The following CDH18 variants were observed in gnomAD, a reference collection of about 807,000 sequenced individuals.
The protein encoded by CDH18 is cadherin-18.
Under a neutral mutation model 67.9 loss-of-function variants are expected in CDH18, and 31 were observed. That is an observed-to-expected ratio of 0.46 (90% CI 0.34 to 0.62). The LOEUF is 0.62. CDH18 is among the 20% of genes least tolerant of loss of function. The pLI is 0.01. For missense variants in CDH18, 890 were observed against 975.5 expected, an observed-to-expected ratio of 0.91 and a Z score of 1.17; for synonymous variants, 362 against 347.2, an observed-to-expected ratio of 1.04 and a Z score of -0.48.
At chr5:19,911,075 G>T (rs1236181970) in intron 2 of CDH18, among the ~76,000 whole-genome samples, 1 of 152,040 alleles carries the variant, frequency 6.6e-6, no homozygotes, top group Admixed American at 6.6e-5. Flanking sequence ...AACTGAAAAA[G>T]GGCTACCATG....
chr5:19,630,097 C>T (rs192575199), intron 5 of CDH18, among the ~76,000 whole-genome samples: 6 of 151,950 alleles, frequency 3.9e-5, no homozygotes, highest in South Asian at 2.1e-4. Context: ...TCACCATGAC[C>T]GGCTAATTTG....
intron 2 of CDH18, among the ~76,000 whole-genome samples, chr5:20,200,323 T>C (rs1176707453): frequency 6.6e-6 from 1 of 152,082 alleles, no homozygotes; most frequent in Non-Finnish European, 1.5e-5. Flanking sequence ...TTACAAACTA[T>C]GTGAGTTTCA....
intron 5 of CDH18, among the ~76,000 whole-genome samples, chr5:19,662,217 G>C (rs779945657): frequency 2.6e-5 from 4 of 151,238 alleles, no homozygotes; most frequent in Middle Eastern, 3.2e-3. Flanking sequence ...TTTAAAAATC[G>C]GTCATTTTAC....
intron 11 of CDH18, among the ~76,000 whole-genome samples, chr5:19,499,202 C>T (rs1370280366): frequency 1.3e-5 from 2 of 152,160 alleles, no homozygotes; most frequent in South Asian, 2.1e-4. Flanking sequence ...ATTTGAAACA[C>T]ATTATTATGC....
intron 2 of CDH18, among the ~76,000 whole-genome samples, chr5:19,893,927 G>A (rs534747018): frequency 1.3e-5 from 2 of 152,048 alleles, no homozygotes; most frequent in Non-Finnish European, 2.9e-5. Flanking sequence ...TAAACAAGCA[G>A]CATGTTCTAT....
At chr5:20,274,321 C>G (rs1745646730) in intron 1 of CDH18, among the ~76,000 whole-genome samples, 1 of 152,044 alleles carries the variant, frequency 6.6e-6, no homozygotes, top group South Asian at 2.1e-4. Context: ...AAAGTACACG[C>G]AGCATGGCTG....
At chr5:20,483,973 CAACA>C (rs1194881475) in intron 1 of CDH18, among the ~76,000 whole-genome samples, 11 of 151,620 alleles carry the variant, frequency 7.3e-5, no homozygotes, top group South Asian at 2.1e-4. Flanking sequence ...AAAAATGGAA[CAACA>C]AACAAAGTGA....
intron 2 of CDH18, among the ~76,000 whole-genome samples, chr5:20,145,208 T>A (rs1750549422): frequency 6.6e-6 from 1 of 152,160 alleles, no homozygotes; most frequent in South Asian, 2.1e-4. Context: ...ATTTTTAGTT[T>A]ATTTTTGATA....
At chr5:19,852,929 A>C (rs556028355) in intron 2 of CDH18, among the ~76,000 whole-genome samples, 1 of 135,582 alleles carries the variant, frequency 7.4e-6, no homozygotes, top group South Asian at 2.5e-4. Flanking sequence ...AACATCTGGT[A>C]TGAAATTGGA....
intron 5 of CDH18, among the ~76,000 whole-genome samples, chr5:19,708,010 A>T (rs1764185216): frequency 6.6e-6 from 1 of 152,318 alleles, no homozygotes; most frequent in South Asian, 2.1e-4. Flanking sequence ...AGTTCCTATT[A>T]TCTGGAAACA....
chr5:19,928,554 A>G (rs1793340767), intron 2 of CDH18, among the ~76,000 whole-genome samples: 1 of 152,172 alleles, frequency 6.6e-6, no homozygotes. Context: ...CATACATGCT[A>G]CACAATACAG....
intron 4 of CDH18, among the ~76,000 whole-genome samples, chr5:19,734,705 GC>G (rs565507798): frequency 2.7e-4 from 41 of 152,004 alleles, no homozygotes; most frequent in Non-Finnish European, 5.0e-4. Context: ...TCCCAGTGCT[GC>G]CCACCCCCTG....
intron 5 of CDH18, among the ~76,000 whole-genome samples, chr5:19,701,127 T>C (rs558702694): frequency 6.6e-6 from 1 of 152,192 alleles, no homozygotes; most frequent in Admixed American, 6.5e-5. Context: ...AAATTTTAAA[T>C]CTTGTATATT....
intron 10 of CDH18, among the ~76,000 whole-genome samples, chr5:19,508,786 T>C (rs918882099): frequency 6.6e-6 from 1 of 152,008 alleles, no homozygotes; most frequent in African/African-American, 2.4e-5. Flanking sequence ...ATTTGTCTAA[T>C]CTAATACCAT....
intron 9 of CDH18, among the ~76,000 whole-genome samples, chr5:19,522,483 T>A (rs1368398962): frequency 6.6e-6 from 1 of 152,150 alleles, no homozygotes; most frequent in African/African-American, 2.4e-5. Flanking sequence ...TCCAGATTGA[T>A]GGTATTTCCA....
At chr5:20,511,201 A>G (rs776925377) in intron 1 of CDH18, among the ~76,000 whole-genome samples, 3 of 152,206 alleles carry the variant, frequency 2.0e-5, no homozygotes, top group Non-Finnish European at 4.4e-5. Flanking sequence ...ATAGTACACC[A>G]GAAGAAAAAG....
intron 2 of CDH18, among the ~76,000 whole-genome samples, chr5:20,008,972 C>T (rs1475389836): frequency 6.6e-6 from 1 of 152,124 alleles, no homozygotes; most frequent in South Asian, 2.1e-4. Context: ...TTCCTCCCAT[C>T]AGCTTTCCTG....
chr5:19,753,065 C>A (rs1469754494), intron 3 of CDH18, among the ~76,000 whole-genome samples: 1 of 152,090 alleles, frequency 6.6e-6, no homozygotes, highest in African/African-American at 2.4e-5. Flanking sequence ...CTGACATAAC[C>A]TACCCAAATG....
At chr5:20,551,164 C>T (rs1197553237) in intron 1 of CDH18, among the ~76,000 whole-genome samples, 1 of 151,962 alleles carries the variant, frequency 6.6e-6, no homozygotes, top group Non-Finnish European at 1.5e-5. Context: ...GATATGAAAC[C>T]AGCTATGAGA....
Sources: allele counts gnomAD v4.1 joint callset (sites outside exome capture counted in the v4.1 genomes callset), GRCh38; gene constraint gnomAD v4.1.1; transcripts MANE v1.5; gene names NCBI Gene and HGNC (gene_info 2026-07-23, HGNC 2026-07-21).